Variants in CDH3 observed in about 807,000 individuals in gnomAD.
CDH3 encodes the protein cadherin 3.
In CDH3, 54 loss-of-function variants were observed where a neutral mutation model predicts 82.0. The ratio of observed to expected loss-of-function variants is 0.66; its 90% confidence interval spans 0.53 to 0.83. The LOEUF is 0.83. CDH3 is among the 40% of genes least tolerant of loss of function. The pLI is 0.00. For missense variants in CDH3, 1,054 were observed against 1,084.6 expected, an observed-to-expected ratio of 0.97 and a Z score of 0.40; for synonymous variants, 446 against 437.9, an observed-to-expected ratio of 1.02 and a Z score of -0.23.
At chr16:68,703,490 A>G (rs1961921517), downstream of CDH3, among the ~76,000 whole-genome samples, 1 of 152,186 alleles carries the variant, frequency 6.6e-6, no homozygotes, top group African/African-American at 2.4e-5. Context: ...AGCTTGCTGG[A>G]GAGCTCCAGG....
downstream of CDH3, among the ~76,000 whole-genome samples, chr16:68,729,894 A>G (rs9931533): frequency 0.048 from 7,294 of 151,990 alleles, 569 homozygotes; most frequent in African/African-American, 0.16. Flanking sequence ...TCGACCTCCT[A>G]AAGTGCTGGG....
downstream of CDH3, among the ~76,000 whole-genome samples, chr16:68,732,055 T>TG (rs1285352391): frequency 6.6e-6 from 1 of 151,698 alleles, no homozygotes; most frequent in African/African-American, 2.4e-5. Flanking sequence ...AAAACTGTTT[T>TG]TTTTTTTTTG....
intron 2 of CDH3, among the ~76,000 whole-genome samples, chr16:68,659,507 G>A (rs1407894046): frequency 1.3e-5 from 2 of 151,784 alleles, no homozygotes; most frequent in Admixed American, 1.3e-4. Context: ...CCTGGGAGAT[G>A]GAGGTTGCAG....
Position 68,698,315 on chromosome 16 carries a change from A to G in CDH3, c.2405A>G (p.Gln802Arg), listed in dbSNP as rs745683555. Reference sequence around the variant, plus strand: ...TCCCTCACCTCCTCCGCCTCCGACCAAGACCAAGATTACGATTATCTGAAC... The same window carrying G: ...TCCCTCACCTCCTCCGCCTCCGACCGAGACCAAGATTACGATTATCTGAAC... ...LSSLTSSASD[Q>R]DQDYDYLNEW... The change falls in exon 16 of 16, where the codon CAA (glutamine) becomes CGA (arginine). Residue 802 changes from glutamine (Q) to arginine (R), a missense_variant. By Grantham distance (43) the Gln-to-Arg change is conservative (BLOSUM62 1). Coordinates refer to ENST00000264012, the MANE Select transcript of CDH3 (RefSeq NM_001793.6). 6.2e-7 allele frequency: 1 copy of G among 1,614,192 alleles called. No individual in the cohort carries two copies.
chr16:68,720,154 C>G lies in CDH3; in HGVS notation c.100-2271C>G, dbSNP rs971515359. Among the ~76,000 whole-genome samples the G allele has an allele frequency of 2.0e-5, 3 of 151,846 alleles. No individual in the cohort carries two copies. In the East Asian group the frequency reaches 5.8e-4, roughly 29 times the overall value. ...CTTGGGTGCCAGAGTGAAACCCTGT[C>G]TCAAGAAAAAACTCCAAACCAAACC... is the stretch of plus-strand genomic sequence containing the variant. On this transcript the variant is annotated intron_variant, in intron 1 of 2. Transcript: ENST00000569080.
At chr16:68,684,478 C>T in intron 9 of CDH3, 105 bp from the exon 10 acceptor site, 2 of 1,364,516 alleles carry the variant, frequency 1.5e-6, no homozygotes, top group Non-Finnish European at 2.1e-6. Context: ...TAGTGAGGGC[C>T]TCAAGCCCCT....
At chr16:68,682,260 T>C (rs1232341444) in intron 8 of CDH3, 42 bp from the exon 9 acceptor site, 1 of 1,597,896 alleles carries the variant, frequency 6.3e-7, no homozygotes, top group Non-Finnish European at 8.5e-7. Flanking sequence ...AGTAGGACAG[T>C]CATTCTCTGC....
intron 12 of CDH3, among the ~76,000 whole-genome samples, chr16:68,688,586 A>T (rs1248130780): frequency 6.6e-6 from 1 of 151,904 alleles, no homozygotes; most frequent in African/African-American, 2.4e-5. Flanking sequence ...AGACTGTCTC[A>T]AATAAAATAA....
chr16:68,689,913 A>G (rs1231650680), intron 12 of CDH3, among the ~76,000 whole-genome samples: 1 of 152,212 alleles, frequency 6.6e-6, no homozygotes, highest in Non-Finnish European at 1.5e-5. Context: ...ATTTAGTGGT[A>G]GAAACCCGCA....
intron 11 of CDH3, chr16:68,686,757 T>A: frequency 1.5e-6 from 1 of 651,378 alleles, no homozygotes. Flanking sequence ...CCTTTCATCA[T>A]GTAAATAATT....
chr16:68,729,774 G>T (rs574850880), downstream of CDH3, among the ~76,000 whole-genome samples: 3 of 152,116 alleles, frequency 2.0e-5, no homozygotes, highest in African/African-American at 7.2e-5. Context: ...TGGGACCACA[G>T]GTGTGCGCCA....
In CDH3 at chr16:68,676,362, C is replaced by T. The variant is rs139427769; in HGVS notation, c.161-23C>T. 6.3e-4 allele frequency: 997 copies of T among 1,570,876 alleles called. 3 individuals carry two copies. In the African/African-American group the frequency reaches 0.013, roughly 20 times the overall value. On this transcript the variant is annotated intron_variant, in intron 2 of 15. Coordinates refer to ENST00000264012, the MANE Select transcript of CDH3 (RefSeq NM_001793.6). ...CCAGAATACTCCTGCCTTCCTAATG[C>T]TCTCTCTTCCCCTTCCCCACAGTAT...
chr16:68,683,788 CCGGGCACGATTGCTCATG>C (rs1961308378), intron 9 of CDH3, among the ~76,000 whole-genome samples: 1 of 150,486 alleles, frequency 6.6e-6, no homozygotes, highest in African/African-American at 2.4e-5. Flanking sequence ...TTCGCTGGGG[CCGGGCACGATTGCTCATG>C]CCTGTAATCC....
At chr16:68,647,707 G>A (rs1454116202) in intron 2 of CDH3, among the ~76,000 whole-genome samples, 1 of 152,012 alleles carries the variant, frequency 6.6e-6, no homozygotes, top group African/African-American at 2.4e-5. Context: ...CAATAAATTG[G>A]GACTTCCCAA....
At chr16:68,705,566 C>A (rs572571794) in intron 1 of CDH3, among the ~76,000 whole-genome samples, 1 of 151,812 alleles carries the variant, frequency 6.6e-6, no homozygotes, top group Non-Finnish European at 1.5e-5. Context: ...GGATTACAGG[C>A]GCATGCCACC....
downstream of CDH3, among the ~76,000 whole-genome samples, chr16:68,702,388 A>G (rs1030864066): frequency 5.3e-5 from 8 of 152,224 alleles, no homozygotes; most frequent in Admixed American, 4.6e-4. Flanking sequence ...CCTGCATTCT[A>G]CGGTGGGGTC....
At chr16:68,733,031 T>C in the CDH3 span, among the ~76,000 whole-genome samples, 1 of 152,032 alleles carries the variant, frequency 6.6e-6, no homozygotes, top group Non-Finnish European at 1.5e-5. Flanking sequence ...AGGGAATGTA[T>C]TGGGCCAAGA....
rs1126933 is a variant in CDH3 at position 68,687,630 on chromosome 16, G to T, written c.1689G>T (p.Gln563His). ...TCTGCAACCAAAGCCCTGTGCGCCA[G>T]GTGCTGAACATCACGGACAAGGACC... Reference protein sequence around the residue: ...ITICNQSPVRQVLNITDKDLS... With the variant: ...ITICNQSPVRHVLNITDKDLS... The change falls in exon 12 of 16, where the codon CAG becomes CAT. Residue 563 changes from glutamine to histidine, a missense_variant. Gln to His is a conservative substitution (Grantham distance 24). Coordinates refer to ENST00000264012, the MANE Select transcript of CDH3 (RefSeq NM_001793.6). 2 of 1,613,836 alleles carry T rather than the reference G, an allele frequency of 1.2e-6. No individual in the cohort carries two copies. Among genetic ancestry groups the T allele is most frequent in the Non-Finnish European group, 1.7e-6 (2 of 1,179,914 alleles).
chr16:68,713,703 C>T (rs891960208), intron 1 of CDH3, among the ~76,000 whole-genome samples: 3 of 152,210 alleles, frequency 2.0e-5, no homozygotes, highest in South Asian at 2.1e-4. Context: ...TGTCATTGGA[C>T]GCCCTTCAAA....
Sources: gnomAD v4.1 joint callset for allele counts (sites outside exome capture counted in the v4.1 genomes callset) on GRCh38, gnomAD v4.1.1 for gene constraint, MANE v1.5 for transcripts, NCBI Gene and HGNC (gene_info 2026-07-23, HGNC 2026-07-21) for gene names.